RELN: variants seen among roughly 807,000 people sequenced by gnomAD.
RELN encodes the protein reelin.
Under a neutral mutation model 427.6 loss-of-function variants are expected in RELN, and 108 were observed. That is an observed-to-expected ratio of 0.25 (90% CI 0.22 to 0.30). RELN has a LOEUF of 0.30. Ranked by LOEUF, RELN falls within the 10% of genes least tolerant of loss-of-function variation. RELN has a pLI of 1.00. For synonymous variants in RELN, 1,524 were observed against 1,513.4 expected, an observed-to-expected ratio of 1.01 and a Z score of -0.16; for missense variants, 3,715 against 4,302.8, an observed-to-expected ratio of 0.86 and a Z score of 3.82.
chr7:103,855,417 G>A (rs1410939994), intron 2 of RELN, among the ~76,000 whole-genome samples: 1 of 152,210 alleles, frequency 6.6e-6, no homozygotes. Flanking sequence ...GTGTAAGAAA[G>A]TAAAATAGTA....
intron 20 of RELN, among the ~76,000 whole-genome samples, chr7:103,622,809 C>T (rs1452974838): frequency 2.0e-5 from 3 of 148,454 alleles, no homozygotes; most frequent in African/African-American, 4.9e-5. Context: ...GGAATATTAT[C>T]TGGAATATTA....
At chr7:103,829,505 C>A (rs1349247000) in intron 3 of RELN, among the ~76,000 whole-genome samples, 1 of 151,728 alleles carries the variant, frequency 6.6e-6, no homozygotes, top group Non-Finnish European at 1.5e-5. Context: ...ATCTGAATAC[C>A]CAGCAAACCT....
chr7:103,905,512 T>C (rs574464615), intron 2 of RELN, among the ~76,000 whole-genome samples: 95 of 152,258 alleles, frequency 6.2e-4, no homozygotes, highest in Middle Eastern at 3.4e-3. Flanking sequence ...AAGACAGTAA[T>C]ACTTTCCTCC....
intron 2 of RELN, among the ~76,000 whole-genome samples, chr7:103,840,499 C>T (rs1016775466): frequency 2.2e-4 from 33 of 152,182 alleles, no homozygotes; most frequent in African/African-American, 8.0e-4. Context: ...AGACTCCTTT[C>T]TTTTGGGGCT....
chr7:103,806,591 C>T (rs1392110946), intron 3 of RELN, among the ~76,000 whole-genome samples: 2 of 152,122 alleles, frequency 1.3e-5, no homozygotes, highest in African/African-American at 4.8e-5. Flanking sequence ...TCCCAAAGTG[C>T]TGGGATTACA....
At chr7:103,739,888 A>T (rs965468072) in intron 6 of RELN, among the ~76,000 whole-genome samples, 1 of 152,192 alleles carries the variant, frequency 6.6e-6, no homozygotes, top group African/African-American at 2.4e-5. Context: ...CCCATGGCCC[A>T]GGACTGGGAA....
At chr7:103,985,955 CT>C (rs1797088864) in intron 1 of RELN, among the ~76,000 whole-genome samples, 2 of 152,146 alleles carry the variant, frequency 1.3e-5, no homozygotes, top group Non-Finnish European at 2.9e-5. Context: ...TCATTTGCAA[CT>C]TTCTACCACA....
chr7:103,764,383 A>C lies in RELN; in HGVS notation c.545-11169T>G, dbSNP rs1368217316. 3.9e-5 allele frequency among the ~76,000 whole-genome samples: 6 copies of C among 152,322 alleles called. No individual in the cohort carries two copies. The South Asian group carries it at 6.2e-4, about 16-fold the overall frequency. Reference sequence around the variant, plus strand: ...GAGACTCAAAGATTTCATGGCTAGAAAGTGCCAGAGCAGAAATTCTAACTC... The same window carrying C: ...GAGACTCAAAGATTTCATGGCTAGACAGTGCCAGAGCAGAAATTCTAACTC... On this transcript the variant is annotated intron_variant, in intron 4 of 64. Transcript: ENST00000428762.
chr7:103,917,315 T>C, intron 1 of RELN, 130 bp from the exon 2 acceptor site: 1 of 720,690 alleles, frequency 1.4e-6, no homozygotes, highest in Non-Finnish European at 2.4e-6. Flanking sequence ...ACCTAGTTGG[T>C]ATTTTTTGTA....
At chr7:103,819,845 T>C (rs1792971268) in intron 3 of RELN, among the ~76,000 whole-genome samples, 1 of 152,048 alleles carries the variant, frequency 6.6e-6, no homozygotes, top group African/African-American at 2.4e-5. Flanking sequence ...CTTTCACTGA[T>C]GCCTTAGAGC....
chr7:103,803,722 G>T (rs1792525639), intron 3 of RELN, among the ~76,000 whole-genome samples: 1 of 151,998 alleles, frequency 6.6e-6, no homozygotes, highest in Non-Finnish European at 1.5e-5. Flanking sequence ...AATTATAATG[G>T]GTAAAGATCA....
chr7:103,668,661 T>C (rs1218429468), intron 11 of RELN, among the ~76,000 whole-genome samples: 8 of 152,232 alleles, frequency 5.3e-5, no homozygotes, highest in Admixed American at 5.2e-4. Context: ...ACATCAATCA[T>C]TCAAGGAGCA....
chr7:103,509,632 AACAAAAGCC>A, intron 51 of RELN, among the ~76,000 whole-genome samples: 1 of 152,378 alleles, frequency 6.6e-6, no homozygotes, highest in Non-Finnish European at 1.5e-5. Flanking sequence ...AAGCAATGGC[AACAAAAGCC>A]AAAGTAGACC....
chr7:103,807,686 T>A (rs535445037), intron 3 of RELN, among the ~76,000 whole-genome samples: 2 of 152,086 alleles, frequency 1.3e-5, no homozygotes, highest in African/African-American at 2.4e-5. Context: ...AGTATTTAGC[T>A]CCCACTTGTA....
intron 3 of RELN, among the ~76,000 whole-genome samples, chr7:103,797,569 T>G (rs1792339894): frequency 6.6e-6 from 1 of 152,228 alleles, no homozygotes; most frequent in South Asian, 2.1e-4. Flanking sequence ...TTTACTAGTT[T>G]TTTTATTTTT....
At chr7:103,761,571 G>A (rs1791299308) in intron 4 of RELN, among the ~76,000 whole-genome samples, 2 of 152,086 alleles carry the variant, frequency 1.3e-5, no homozygotes, top group East Asian at 3.9e-4. Context: ...TCCTGCCTCA[G>A]CCTCCCAAGA....
intron 7 of RELN, among the ~76,000 whole-genome samples, chr7:103,726,398 C>T (rs1461203506): frequency 6.6e-6 from 1 of 152,116 alleles, no homozygotes; most frequent in African/African-American, 2.4e-5. Context: ...ATAAAAACTA[C>T]ATACTTTCTT....
At chr7:103,717,086 C>A (rs1789956769) in intron 8 of RELN, among the ~76,000 whole-genome samples, 1 of 151,972 alleles carries the variant, frequency 6.6e-6, no homozygotes, top group Admixed American at 6.6e-5. Flanking sequence ...GGGGATAATA[C>A]CTGTGTCAAA....
chr7:103,678,086 G>A (rs1341191209), intron 11 of RELN, among the ~76,000 whole-genome samples: 2 of 152,102 alleles, frequency 1.3e-5, no homozygotes, highest in Non-Finnish European at 2.9e-5. Flanking sequence ...CTTGATTCCA[G>A]CTTTTAATAT....
Sources: gnomAD v4.1 joint callset for allele counts (sites outside exome capture counted in the v4.1 genomes callset) on GRCh38, gnomAD v4.1.1 for gene constraint, MANE v1.5 for transcripts, NCBI Gene and HGNC (gene_info 2026-07-23, HGNC 2026-07-21) for gene names.